PHF21A: variants seen among roughly 807,000 people sequenced by gnomAD.
PHF21A encodes BHC80a.
A neutral mutation model predicts 82.5 loss-of-function variants in PHF21A; 11 were observed. The ratio of observed to expected loss-of-function variants is 0.13; its 90% confidence interval spans 0.08 to 0.22. The LOEUF (loss-of-function observed/expected upper bound fraction) is 0.22. PHF21A is among the 10% of genes least tolerant of loss of function. The pLI, the probability that PHF21A is intolerant of heterozygous loss-of-function variation, is 1.00. For missense variants in PHF21A, 579 were observed against 837.8 expected, an observed-to-expected ratio of 0.69 and a Z score of 3.81; for synonymous variants, 297 against 302.8, an observed-to-expected ratio of 0.98 and a Z score of 0.20.
At position 45,932,356 on chromosome 11, in the gene PHF21A, A is replaced by G. The variant is rs999119868; in HGVS notation, c.*1612T>C. On this transcript the variant is annotated 3_prime_UTR_variant, in exon 19 of 19. Transcript: ENST00000676320. This position sits in a 1 kb window ranked among gnomAD's most constrained non-coding sequence, Gnocchi z 4.3. ...AGACCACGGGTAGGGCCCTGATACC[A>G]TCCACGCTTCCATTTGGGCTTCACA... 1 of 152,204 alleles carries G rather than the reference A, an allele frequency of 6.6e-6. No homozygotes were observed. The highest frequency in any genetic ancestry group is 1.5e-5 in the Non-Finnish European group (1 of 68,064). 9.4% of individuals were successfully genotyped at this position (152,204 alleles called of 1,614,324 possible).
intron 6 of PHF21A, among the ~76,000 whole-genome samples, chr11:46,046,814 G>C (rs1323847526): frequency 6.6e-6 from 1 of 152,116 alleles, no homozygotes; most frequent in Non-Finnish European, 1.5e-5. Context: ...CTGGACAAAC[G>C]AGAGTAGTTT....
intron 3 of PHF21A, among the ~76,000 whole-genome samples, chr11:46,086,685 C>G (rs189157967): frequency 1.1e-4 from 16 of 152,238 alleles, no homozygotes; most frequent in Admixed American, 1.0e-3. Context: ...CAAAATGATT[C>G]CTTATAATTT....
chr11:46,087,268 A>G (rs899738908), intron 3 of PHF21A, among the ~76,000 whole-genome samples: 3 of 152,258 alleles, frequency 2.0e-5, no homozygotes, highest in Admixed American at 6.5e-5. Context: ...AGGAAAAGAA[A>G]AAGTTAAAAC....
chr11:45,935,575 T>C (rs754615406), intron 18 of PHF21A, 61 bp downstream of exon 18: 1 of 876,968 alleles, frequency 1.1e-6, no homozygotes, highest in Admixed American at 1.9e-5. Flanking sequence ...GTTACGTATA[T>C]TGGAAAGGCC....
At chr11:46,118,507 C>T (rs978854725) in intron 1 of PHF21A, among the ~76,000 whole-genome samples, 5 of 151,226 alleles carry the variant, frequency 3.3e-5, no homozygotes, top group African/African-American at 1.2e-4. Context: ...TTACTATGCT[C>T]TTCACTTAAG....
At chr11:45,978,530 G>T (rs2094145041) in intron 7 of PHF21A, among the ~76,000 whole-genome samples, 1 of 152,140 alleles carries the variant, frequency 6.6e-6, no homozygotes, top group African/African-American at 2.4e-5. Context: ...CATAAACAGT[G>T]AACAGCCAAC....
intron 8 of PHF21A, 38 bp from the exon 9 acceptor site, chr11:45,969,942 A>G (rs529184871): frequency 1.6e-6 from 2 of 1,286,318 alleles, no homozygotes; most frequent in African/African-American, 2.9e-5. Flanking sequence ...AGAGAGAACA[A>G]TTACTCTTCA....
chr11:46,120,622 A>C (rs946030940), intron 1 of PHF21A: 2 of 150,694 alleles, frequency 1.3e-5, no homozygotes, highest in East Asian at 3.9e-4. Context: ...GAGGTATGGG[A>C]AGGGCACGCA....
At chr11:45,973,818 ATT>A (rs1481832821) in intron 7 of PHF21A, among the ~76,000 whole-genome samples, 1 of 152,218 alleles carries the variant, frequency 6.6e-6, no homozygotes, top group Non-Finnish European at 1.5e-5. Context: ...GCTATCGTGG[ATT>A]GTGGGAGTAA....
At chr11:46,004,703 G>C in intron 6 of PHF21A, among the ~76,000 whole-genome samples, 1 of 152,092 alleles carries the variant, frequency 6.6e-6, no homozygotes, top group East Asian at 1.9e-4. Flanking sequence ...TTTTACTGTG[G>C]ATGAGGGCTG....
intron 18 of PHF21A, 60 bp downstream of exon 18, chr11:45,935,576 T>C: frequency 1.1e-6 from 1 of 879,342 alleles, no homozygotes; most frequent in Admixed American, 1.9e-5. Context: ...TTACGTATAT[T>C]GGAAAGGCCT....
chr11:46,028,685 T>C (rs1311088655), intron 6 of PHF21A, among the ~76,000 whole-genome samples: 1 of 151,138 alleles, frequency 6.6e-6, no homozygotes, highest in African/African-American at 2.4e-5. Context: ...GTGATTCTCC[T>C]GCCTCAGCCT....
chr11:45,994,633 G>T (rs540972560), intron 6 of PHF21A, among the ~76,000 whole-genome samples: 4 of 152,158 alleles, frequency 2.6e-5, no homozygotes, highest in Non-Finnish European at 5.9e-5. Context: ...ACCAAGAGTG[G>T]TTATGTTTTA....
chr11:45,979,283 T>C (rs2094178653), intron 7 of PHF21A, among the ~76,000 whole-genome samples: 1 of 152,108 alleles, frequency 6.6e-6, no homozygotes, highest in Non-Finnish European at 1.5e-5. Context: ...CCTCCCAAAG[T>C]GCTGGGATTA....
chr11:45,986,022 G>A (rs1282515280), intron 6 of PHF21A, among the ~76,000 whole-genome samples: 19 of 148,040 alleles, frequency 1.3e-4, no homozygotes, highest in Non-Finnish European at 1.5e-5. Context: ...TCATGGTATT[G>A]ATTAGACTTC....
At chr11:45,985,186 G>A (rs1125291) in intron 6 of PHF21A, among the ~76,000 whole-genome samples, 50,282 of 151,984 alleles carry the variant, frequency 0.33, 9,446 homozygotes, top group East Asian at 0.8. Flanking sequence ...ACTTTCTACC[G>A]TCTAACTAAA....
intron 6 of PHF21A, among the ~76,000 whole-genome samples, chr11:45,993,165 T>C (rs1329064706): frequency 6.6e-6 from 1 of 152,226 alleles, no homozygotes; most frequent in Non-Finnish European, 1.5e-5. Context: ...AAACAATTCA[T>C]GTTATAAACA....
chr11:46,111,927 T>C (rs1421597012), intron 1 of PHF21A, among the ~76,000 whole-genome samples: 2 of 152,258 alleles, frequency 1.3e-5, no homozygotes, highest in African/African-American at 4.8e-5. Context: ...AACAGAATTT[T>C]TCCAAGGTTA....
At chr11:45,955,275 C>T (rs2092543382) in intron 10 of PHF21A, among the ~76,000 whole-genome samples, 1 of 102,510 alleles carries the variant, frequency 9.8e-6, no homozygotes, top group Admixed American at 1.2e-4. Flanking sequence ...TCAAGTCTTT[C>T]TCTCTCCAAC....
Sources: gnomAD v4.1 joint callset for allele counts (sites outside exome capture counted in the v4.1 genomes callset) on GRCh38, gnomAD v4.1.1 for gene constraint, Gnocchi (gnomAD v3.1) non-coding constraint, MANE v1.5 for transcripts, NCBI Gene and HGNC (gene_info 2026-07-23, HGNC 2026-07-21) for gene names.